SMYD4: variants seen among roughly 807,000 people sequenced by gnomAD.
SMYD4 encodes the protein protein-lysine N-methyltransferase SMYD4.
A neutral mutation model predicts 72.8 loss-of-function variants in SMYD4; 68 were observed. That is an observed-to-expected ratio of 0.93 (90% CI 0.77 to 1.14). The LOEUF is 1.14. Among genes scored for constraint, SMYD4 ranks in the 50% most tolerant of loss-of-function variants. The pLI is 0.00. For synonymous variants in SMYD4, 407 were observed against 388.6 expected (o/e 1.05, Z -0.56); for missense variants, 984 against 1,003.7 (o/e 0.98, Z 0.27).
At chr17:1,799,735 T>G (rs1205018011) in intron 5 of SMYD4, 122 bp downstream of exon 5, 1 of 956,572 alleles carries the variant, frequency 1.0e-6, no homozygotes. Context: ...ACAAGACAGC[T>G]TAGTGATCCC....
intron 10 of SMYD4, 101 bp from the exon 11 acceptor site, chr17:1,781,540 T>G (rs975901404): frequency 1.5e-6 from 2 of 1,345,108 alleles, no homozygotes; most frequent in Non-Finnish European, 1.0e-6. Flanking sequence ...ATCATTTCTG[T>G]CATCAAGGAT....
chr17:1,816,319 T>C (rs1211998759), intron 2 of SMYD4, among the ~76,000 whole-genome samples: 1 of 150,968 alleles, frequency 6.6e-6, no homozygotes, highest in African/African-American at 2.5e-5. Context: ...ATTTTGCTTA[T>C]TTAAAAAAAT....
intron 3 of SMYD4, among the ~76,000 whole-genome samples, chr17:1,811,147 C>T (rs901778907): frequency 1.3e-5 from 2 of 152,222 alleles, no homozygotes; most frequent in African/African-American, 4.8e-5. Flanking sequence ...ACTGGGGCTT[C>T]AACTGTAAAC....
chr17:1,810,937 T>C (rs1910300755), intron 3 of SMYD4, among the ~76,000 whole-genome samples: 1 of 152,218 alleles, frequency 6.6e-6, no homozygotes. Context: ...CCCAACCTGC[T>C]GAGAGCTACT....
intron 2 of SMYD4, among the ~76,000 whole-genome samples, chr17:1,827,173 AAAAT>A (rs1209555177): frequency 1.3e-5 from 2 of 151,466 alleles, no homozygotes; most frequent in African/African-American, 4.8e-5. Context: ...AAATAAAATA[AAAAT>A]AAATAAATAA....
At chr17:1,828,709 T>C (rs1188506489) in intron 1 of SMYD4, among the ~76,000 whole-genome samples, 1 of 151,546 alleles carries the variant, frequency 6.6e-6, no homozygotes, top group Admixed American at 6.6e-5. Flanking sequence ...GCAATTCTCC[T>C]GCCTCAGCCT....
intron 3 of SMYD4, among the ~76,000 whole-genome samples, chr17:1,811,131 A>G (rs1375592814): frequency 6.6e-6 from 1 of 152,206 alleles, no homozygotes; most frequent in Non-Finnish European, 1.5e-5. Flanking sequence ...CCTGTAACAC[A>G]CGCCCACTGG....
intron 2 of SMYD4, among the ~76,000 whole-genome samples, chr17:1,821,893 T>C (rs537168488): frequency 3.3e-5 from 5 of 150,698 alleles, no homozygotes; most frequent in Admixed American, 2.0e-4. Flanking sequence ...ATCGTGCCAT[T>C]GCACTCCAGC....
intron 2 of SMYD4, chr17:1,814,626 A>T (rs980385146): frequency 5.9e-5 from 9 of 151,368 alleles, no homozygotes; most frequent in African/African-American, 1.9e-4. Flanking sequence ...CGAGTTTGCG[A>T]CCAGCCTGGG....
chr17:1,821,956 G>C (rs1192061478), intron 2 of SMYD4, among the ~76,000 whole-genome samples: 1 of 149,754 alleles, frequency 6.7e-6, no homozygotes, highest in Non-Finnish European at 1.5e-5. Flanking sequence ...CTGGTGTGAT[G>C]GCTCATGCCT....
At position 1,812,944 on chromosome 17, in the gene SMYD4, A is replaced by AT. The variant is rs1555579762; in HGVS notation, c.135-830dup. The stretch of plus-strand genomic sequence containing the variant: ...TCCCTCGGATCATACATCATAAAAG[A>AT]TTTTTTTTTTTTGAGACAGAGTTTC... On this transcript the variant is annotated intron_variant, in intron 2 of 10. Transcript: ENST00000305513. Among the ~76,000 whole-genome samples, 13 of 148,134 alleles carry AT rather than the reference A, an allele frequency of 8.8e-5. 1 individual carries two copies. The highest frequency in any genetic ancestry group is 4.3e-4 in the South Asian group (2 of 4,658).
chr17:1,799,083 C>T (rs892444286), intron 5 of SMYD4, among the ~76,000 whole-genome samples: 2 of 151,198 alleles, frequency 1.3e-5, no homozygotes, highest in Non-Finnish European at 1.5e-5. Flanking sequence ...CATGGTGAAA[C>T]CCCGTCTCTG....
intron 10 of SMYD4, 51 bp downstream of exon 10, chr17:1,782,984 G>A (rs1908445165): frequency 6.4e-7 from 1 of 1,566,662 alleles, no homozygotes; most frequent in African/African-American, 1.4e-5. Flanking sequence ...ATACCCAGAA[G>A]AGCCTAGGAA....
At chr17:1,804,850 T>C in intron 3 of SMYD4, 135 bp from the exon 4 acceptor site, 3 of 791,352 alleles carry the variant, frequency 3.8e-6, no homozygotes, top group Non-Finnish European at 2.0e-6. Flanking sequence ...GTGCTTCAGC[T>C]TATCTTTTAA....
chr17:1,827,888 A>G lies in SMYD4; in HGVS notation c.107T>C (p.Ile36Thr). ...TISTAETLRD[I>T]FLHSSSLLQP... ...AAGAAGTGAAGAGGAGTGAAGAAAG[A>G]TATCCCTCAAGGTCTCTGCTGTAGA... The change falls in exon 2 of 11, where the codon ATC becomes ACC. Residue 36 changes from isoleucine to threonine, a missense_variant. Transcript: ENST00000305513. 1 of 1,609,504 alleles carries G rather than the reference A, an allele frequency of 6.2e-7. No homozygotes were observed. The highest frequency in any genetic ancestry group is 1.1e-5 in the South Asian group (1 of 90,916).
At chr17:1,803,614 C>T (rs923685345) in intron 4 of SMYD4, among the ~76,000 whole-genome samples, 6 of 152,184 alleles carry the variant, frequency 3.9e-5, no homozygotes, top group African/African-American at 1.4e-4. Context: ...ATTCTCCTGC[C>T]TCAGCCTCCT....
rs115374549 is a variant in SMYD4, at chr17:1,805,923, A to C, written c.280-1208T>G. ...CATTGGATAAATTCCAAATACATCA[A>C]ATTCTTTTTTTTTTTTTTGAGACGG... On this transcript the variant is annotated intron_variant, in intron 3 of 10. Coordinates refer to ENST00000305513, the MANE Select transcript of SMYD4 (RefSeq NM_052928.3). Among the ~76,000 whole-genome samples, 1,488 of 149,110 alleles carry C rather than the reference A, an allele frequency of 1.0e-2. 34 individuals are homozygous for C. The highest frequency in any genetic ancestry group is 0.034 in the African/African-American group (1,395 of 40,580).
chr17:1,798,952 T>C (rs183855395), intron 5 of SMYD4, among the ~76,000 whole-genome samples: 104 of 151,118 alleles, frequency 6.9e-4, no homozygotes, highest in African/African-American at 2.3e-3. Flanking sequence ...TTCAGCAATA[T>C]GGACTTTTTA....
rs1909700483 is a variant in SMYD4 at position 1,800,823 on chromosome 17, G to A, written c.571C>T (p.Leu191Phe). ...DVLPQTLQRN[L>F]HRLKMKMQEK... ...TGCATCTTCATTTTCAGACGATGGAGGTTTCTCTGCAGAGTCTGAGGGAGG... is the reference window on the plus strand; with the variant it reads ...TGCATCTTCATTTTCAGACGATGGAAGTTTCTCTGCAGAGTCTGAGGGAGG... Residue 191 changes from leucine to phenylalanine, a missense_variant, in exon 5 of 11, where the codon CTC becomes TTC. Transcript: ENST00000305513. 1 of 1,614,106 alleles carries A rather than the reference G, an allele frequency of 6.2e-7. No homozygotes were observed. Among genetic ancestry groups the A allele is most frequent in the African/African-American group, 1.3e-5 (1 of 74,932 alleles).
Sources: gnomAD v4.1 joint callset for allele counts (sites outside exome capture counted in the v4.1 genomes callset) on GRCh38, gnomAD v4.1.1 for gene constraint, MANE v1.5 for transcripts, NCBI Gene and HGNC (gene_info 2026-07-23, HGNC 2026-07-21) for gene names.